DYNC2H1: variants seen among roughly 807,000 people sequenced by gnomAD.
DYNC2H1 encodes the protein cytoplasmic dynein 2 heavy chain 1.
Under a neutral mutation model 570.0 loss-of-function variants are expected in DYNC2H1, and 410 were observed. That is an observed-to-expected ratio of 0.72 (90% CI 0.66 to 0.78). The LOEUF (loss-of-function observed/expected upper bound fraction) is 0.78, where lower values mean the gene tolerates loss of function less well. Ranked by LOEUF, DYNC2H1 falls within the 30% of genes least tolerant of loss-of-function variation. The probability of loss-of-function intolerance (pLI) is 0.00; values close to 1 mark genes in which losing one functional copy is unlikely to be tolerated. For synonymous variants in DYNC2H1, 1,688 were observed against 1,677.6 expected, an observed-to-expected ratio of 1.01 and a Z score of -0.15; for missense variants, 4,865 against 5,046.4, an observed-to-expected ratio of 0.96 and a Z score of 1.09.
intron 84 of DYNC2H1, among the ~76,000 whole-genome samples, chr11:103,418,622 G>A (rs1458577354): frequency 6.6e-6 from 1 of 152,134 alleles, no homozygotes; most frequent in Non-Finnish European, 1.5e-5. Context: ...AGTGAATTCA[G>A]CACCTTCAAC....
chr11:103,195,563 G>C (rs745890167), intron 47 of DYNC2H1, among the ~76,000 whole-genome samples: 4 of 151,998 alleles, frequency 2.6e-5, no homozygotes, highest in Non-Finnish European at 4.4e-5. Context: ...TTGTGAAATT[G>C]GTTTAGACTG....
At chr11:103,251,167 G>A (rs1035891362) in intron 65 of DYNC2H1, among the ~76,000 whole-genome samples, 2 of 151,786 alleles carry the variant, frequency 1.3e-5, no homozygotes, top group African/African-American at 4.8e-5. Context: ...TTTTAGTTCT[G>A]TCAGTTCTTG....
At chr11:103,251,215 C>T (rs896053567) in intron 65 of DYNC2H1, among the ~76,000 whole-genome samples, 4 of 151,984 alleles carry the variant, frequency 2.6e-5, no homozygotes. Context: ...TAGATGCATA[C>T]ATTTTTGGAA....
intron 70 of DYNC2H1, among the ~76,000 whole-genome samples, chr11:103,266,418 C>T (rs1181223274): frequency 2.0e-5 from 3 of 151,804 alleles, no homozygotes; most frequent in Non-Finnish European, 2.9e-5. Flanking sequence ...CAAGCAGGAG[C>T]GGTCACTCAG....
intron 82 of DYNC2H1, among the ~76,000 whole-genome samples, chr11:103,331,389 G>T (rs1445781437): frequency 6.6e-6 from 1 of 151,968 alleles, no homozygotes; most frequent in South Asian, 2.1e-4. Context: ...TTGTGGGGAG[G>T]GGTCCATAAA....
At chr11:103,361,762 T>C (rs1940653069) in intron 83 of DYNC2H1, among the ~76,000 whole-genome samples, 1 of 152,038 alleles carries the variant, frequency 6.6e-6, no homozygotes, top group African/African-American at 2.4e-5. Flanking sequence ...AATTTAGAGT[T>C]ATTATAGGGA....
At position 103,191,586 on chromosome 11, in the gene DYNC2H1, G is replaced by A. The variant is rs1368501155; in HGVS notation, c.7507G>A (p.Val2503Ile). The change falls in exon 46 of 89, where the codon GTT (valine) becomes ATT (isoleucine). Residue 2503 changes from valine (V) to isoleucine (I), a missense_variant. Coordinates refer to ENST00000375735, the MANE Select transcript of DYNC2H1 (RefSeq NM_001377.3). Reference sequence around the variant, plus strand: ...TACTCCTTGCATTCTTACCCAATGGGTTCTTGGCTTATTTAGATATGATTT... The same window carrying A: ...TACTCCTTGCATTCTTACCCAATGGATTCTTGGCTTATTTAGATATGATTT... ...FFTPCILTQW[V>I]LGLFRYDLEG... 1 of 1,609,582 alleles carries A rather than the reference G, an allele frequency of 6.2e-7. No homozygotes were observed. The highest frequency in any genetic ancestry group is 2.2e-5 in the East Asian group (1 of 44,660).
In DYNC2H1 at chr11:103,422,792, T is replaced by TC. The variant is rs1233527601; in HGVS notation, c.12367-13148dup. Among the ~76,000 whole-genome samples, 5 of 152,110 alleles carry TC rather than the reference T, an allele frequency of 3.3e-5. No individual in the cohort carries two copies. In the East Asian group the frequency reaches 9.6e-4, roughly 29 times the overall value. On this transcript the variant is annotated intron_variant, in intron 84 of 88. Transcript: ENST00000375735. ...AAACTGGCACAAGACAAGGATGCCCTCCCTCACCACTCCTATTCAACATAG... is the reference window on the plus strand; with the variant it reads ...AAACTGGCACAAGACAAGGATGCCCTCCCCTCACCACTCCTATTCAACATAG...
At chr11:103,351,386 A>G (rs1393030551) in intron 82 of DYNC2H1, among the ~76,000 whole-genome samples, 3 of 152,214 alleles carry the variant, frequency 2.0e-5, no homozygotes, top group Admixed American at 2.0e-4. Context: ...TCCAGTCCAG[A>G]TTCAAGATGG....
chr11:103,205,639 T>TAGTA lies in DYNC2H1; in HGVS notation c.8454+680_8454+683dup, dbSNP rs1311054323. 6.6e-6 allele frequency among the ~76,000 whole-genome samples: 1 copy of TAGTA among 152,100 alleles called. No homozygotes were observed. The highest frequency in any genetic ancestry group is 1.5e-5 in the Non-Finnish European group (1 of 68,010). On this transcript the variant is annotated intron_variant, in intron 52 of 88. Transcript: ENST00000375735. The surrounding 1 kb of genome is among the most constrained non-coding windows in gnomAD (Gnocchi z 4.5). ...CATTAAGAAGTAATTATTGGGTGCTTAGTAAGTACCACTGTTCTATATATG... is the reference window on the plus strand; with the variant it reads ...CATTAAGAAGTAATTATTGGGTGCTTAGTAAGTAAGTACCACTGTTCTATATATG...
At chr11:103,191,848 A>G (rs987732079) in intron 46 of DYNC2H1, among the ~76,000 whole-genome samples, 1 of 152,038 alleles carries the variant, frequency 6.6e-6, no homozygotes, top group African/African-American at 2.4e-5. Context: ...GGCAAAGCAT[A>G]TTTAGTATAC....
intron 81 of DYNC2H1, among the ~76,000 whole-genome samples, chr11:103,323,213 T>C (rs1425305752): frequency 2.0e-5 from 3 of 152,190 alleles, no homozygotes; most frequent in Non-Finnish European, 4.4e-5. Flanking sequence ...TGTTTTTGCC[T>C]GCACTTAGTT....
chr11:103,196,667 C>G (rs1264584116), intron 47 of DYNC2H1, among the ~76,000 whole-genome samples: 1 of 151,972 alleles, frequency 6.6e-6, no homozygotes, highest in African/African-American at 2.4e-5. Flanking sequence ...CAGGGAGTAT[C>G]AGTATATAAG....
rs371654837 is a variant in DYNC2H1, at chr11:103,312,467, A to G, written c.11649+434A>G. The stretch of plus-strand genomic sequence containing the variant: ...TGAGGTAGGAGAATTGCTTGAACCC[A>G]GGAGGCAGAGGTTGCAGTGAGCCGA... On this transcript the variant is annotated intron_variant, in intron 79 of 88. Coordinates refer to ENST00000375735, the MANE Select transcript of DYNC2H1 (RefSeq NM_001377.3). Among the ~76,000 whole-genome samples the G allele has an allele frequency of 3.6e-4, 50 of 139,562 alleles. No homozygotes were observed. In the East Asian group the frequency reaches 0.01, roughly 29 times the overall value. 91.6% of individuals were successfully genotyped at this position (139,562 alleles called of 152,430 possible). A position where few individuals can be genotyped will look rare whatever the true frequency, so the allele number is the denominator to read the frequency against.
chr11:103,405,760 A>T (rs1942838672), intron 84 of DYNC2H1: 1 of 151,876 alleles, frequency 6.6e-6, no homozygotes, highest in Admixed American at 6.6e-5. Context: ...CCCTATTCCC[A>T]CTCATGCGCC....
chr11:103,143,461 C>T (rs1272337594), intron 18 of DYNC2H1, 66 bp downstream of exon 18: 10 of 1,455,486 alleles, frequency 6.9e-6, no homozygotes, highest in Admixed American at 2.5e-5. Context: ...TAAGGGAGCT[C>T]TCTACTTAGT....
intron 82 of DYNC2H1, among the ~76,000 whole-genome samples, chr11:103,357,265 A>G (rs1940395213): frequency 6.6e-6 from 1 of 152,128 alleles, no homozygotes; most frequent in African/African-American, 2.4e-5. Flanking sequence ...GGTTTTGATG[A>G]GAATAATGAT....
chr11:103,248,946 T>C (rs1272157535), intron 65 of DYNC2H1, among the ~76,000 whole-genome samples: 2 of 152,016 alleles, frequency 1.3e-5, no homozygotes, highest in African/African-American at 4.8e-5. Flanking sequence ...AATAGCCATG[T>C]AAATTGGCAC....
chr11:103,476,851 T>A (rs889337459), intron 88 of DYNC2H1, among the ~76,000 whole-genome samples: 3 of 152,166 alleles, frequency 2.0e-5, no homozygotes, highest in Non-Finnish European at 4.4e-5. Context: ...CTTAATTTTC[T>A]GTGAAAGAAA....
Sources: gnomAD v4.1 joint callset for allele counts (sites outside exome capture counted in the v4.1 genomes callset) on GRCh38, gnomAD v4.1.1 for gene constraint, Gnocchi (gnomAD v3.1) non-coding constraint, MANE v1.5 for transcripts, NCBI Gene and HGNC (gene_info 2026-07-23, HGNC 2026-07-21) for gene names.